The following RAP1GDS1 variants were observed in gnomAD, a reference collection of about 807,000 sequenced individuals.
The protein encoded by RAP1GDS1 is RAP1, GTP-GDP dissociation stimulator 1.
RAP1GDS1 carries 35 observed loss-of-function variants against 71.1 expected under a neutral mutation model. The ratio of observed to expected loss-of-function variants is 0.49; its 90% CI spans 0.38 to 0.65. The LOEUF (loss-of-function observed/expected upper bound fraction) is 0.65, where lower values mean the gene tolerates loss of function less well. Among genes scored for constraint, RAP1GDS1 ranks in the 30% least tolerant of loss-of-function variants. RAP1GDS1 has a pLI of 0.00. For missense variants in RAP1GDS1, 663 were observed against 706.1 expected (o/e 0.94, Z 0.69); for synonymous variants, 229 against 243.1 (o/e 0.94, Z 0.54).
intron 6 of RAP1GDS1, among the ~76,000 whole-genome samples, chr4:98,395,664 CA>C (rs1297998446): frequency 6.6e-6 from 1 of 152,148 alleles, no homozygotes; most frequent in African/African-American, 2.4e-5. Context: ...CTCTGTTAAC[CA>C]ACCCTTTTTA....
chr4:98,382,288 TAAATA>T (rs1464250423), intron 5 of RAP1GDS1, among the ~76,000 whole-genome samples: 3 of 151,648 alleles, frequency 2.0e-5, no homozygotes, highest in African/African-American at 7.2e-5. Context: ...CAATAATGCA[TAAATA>T]AAATAATATT....
At chr4:98,409,306 G>A (rs1000625052) in intron 7 of RAP1GDS1, 9 of 152,414 alleles carry the variant, frequency 5.9e-5, no homozygotes, top group Admixed American at 2.0e-4. Context: ...AACACAAAGG[G>A]AAAGAGAAGC....
chr4:98,402,579 A>G (rs755141901), intron 6 of RAP1GDS1, among the ~76,000 whole-genome samples: 1 of 152,180 alleles, frequency 6.6e-6, no homozygotes, highest in Non-Finnish European at 1.5e-5. Context: ...GTCATTTTGG[A>G]ATAGATCCGT....
intron 1 of RAP1GDS1, among the ~76,000 whole-genome samples, chr4:98,291,587 G>A (rs994315879): frequency 1.3e-5 from 2 of 152,108 alleles, no homozygotes; most frequent in Non-Finnish European, 2.9e-5. Context: ...CATATGAGTC[G>A]TCTGCTAGAA....
chr4:98,343,404 T>A, intron 3 of RAP1GDS1, 143 bp downstream of exon 3: 1 of 1,054,400 alleles, frequency 9.5e-7, no homozygotes, highest in Non-Finnish European at 1.4e-6. Context: ...ACTCTTCATG[T>A]AATTGTTTTA....
chr4:98,345,502 C>T (rs1041913679), intron 3 of RAP1GDS1, among the ~76,000 whole-genome samples: 3 of 151,986 alleles, frequency 2.0e-5, no homozygotes, highest in South Asian at 2.1e-4. Context: ...ATTTTTTAGA[C>T]CTTTTAAATG....
chr4:98,348,686 G>T (rs1450999418), intron 3 of RAP1GDS1, among the ~76,000 whole-genome samples: 1 of 152,166 alleles, frequency 6.6e-6, no homozygotes, highest in African/African-American at 2.4e-5. Context: ...GTATCTCATT[G>T]TGGTTTTGAT....
At chr4:98,391,179 A>C (rs1412312833) in intron 5 of RAP1GDS1, among the ~76,000 whole-genome samples, 1 of 152,024 alleles carries the variant, frequency 6.6e-6, no homozygotes, top group African/African-American at 2.4e-5. Flanking sequence ...ATTATTGTCC[A>C]TGAAGAACCC....
chr4:98,393,765 T>C (rs1435574702), intron 6 of RAP1GDS1, among the ~76,000 whole-genome samples: 1 of 152,204 alleles, frequency 6.6e-6, no homozygotes, highest in Non-Finnish European at 1.5e-5. Context: ...ACACAATCGA[T>C]TTCAAACACT....
At chr4:98,295,717 A>G (rs540280059) in intron 2 of RAP1GDS1, among the ~76,000 whole-genome samples, 145 of 152,204 alleles carry the variant, frequency 9.5e-4, no homozygotes, top group Non-Finnish European at 1.8e-3. Flanking sequence ...AATCATTCCA[A>G]GAAGCTAGGT....
At chr4:98,399,007 T>C (rs1037403900) in intron 6 of RAP1GDS1, among the ~76,000 whole-genome samples, 4 of 152,166 alleles carry the variant, frequency 2.6e-5, no homozygotes, top group Admixed American at 2.6e-4. Flanking sequence ...CAAAGCAATC[T>C]GCAGATTCAA....
chr4:98,343,101 A>G (rs1735730124), intron 2 of RAP1GDS1, 38 bp from the exon 3 acceptor site: 1 of 1,560,446 alleles, frequency 6.4e-7, no homozygotes, highest in Non-Finnish European at 8.7e-7. Flanking sequence ...TTAGCATTAA[A>G]GATTTTCACT....
At position 98,425,797 on chromosome 4, in the gene RAP1GDS1, A is replaced by T. The variant is rs146285362; in HGVS notation, c.1440+4403A>T. 1.6e-4 allele frequency among the ~76,000 whole-genome samples: 25 copies of T among 152,324 alleles called. 1 individual carries two copies. The highest frequency in any genetic ancestry group is 6.8e-3 in the Middle Eastern group (2 of 294). On this transcript the variant is annotated intron_variant, in intron 12 of 14. Coordinates refer to ENST00000408927, the MANE Select transcript of RAP1GDS1 (RefSeq NM_001100427.2). Reference sequence around the variant, plus strand: ...AGTGGGAGACTTCAATACTCCACTGACAGCATTAAAGAGGTTATCAAGACA... The same window carrying T: ...AGTGGGAGACTTCAATACTCCACTGTCAGCATTAAAGAGGTTATCAAGACA...
chr4:98,263,800 A>G (rs1274726885), intron 1 of RAP1GDS1, among the ~76,000 whole-genome samples: 1 of 152,186 alleles, frequency 6.6e-6, no homozygotes, highest in Non-Finnish European at 1.5e-5. Context: ...GGTACATATT[A>G]TCTAGTTGGG....
rs1309712814 is a variant in RAP1GDS1 at position 98,262,401 on chromosome 4, A to C, written c.4+832A>C. 2.0e-5 allele frequency among the ~76,000 whole-genome samples: 3 copies of C among 152,212 alleles called. No homozygotes were observed. In the South Asian group the frequency reaches 6.2e-4, roughly 31 times the overall value. On this transcript the variant is annotated intron_variant, in intron 1 of 14. Transcript: ENST00000408927. ...CTTTGTATTTATAGTTAATCTGAAG[A>C]GATTGGTTTGGATGAGAGATTTAAG...
intron 13 of RAP1GDS1, 30 bp from the exon 14 acceptor site, chr4:98,436,909 AC>A: frequency 3.2e-6 from 5 of 1,561,206 alleles, no homozygotes; most frequent in Non-Finnish European, 4.3e-6. Flanking sequence ...CTGGGTTCGT[AC>A]GCAGTAGATA....
chr4:98,406,070 T>C (rs1388061248), intron 7 of RAP1GDS1, among the ~76,000 whole-genome samples: 1 of 151,984 alleles, frequency 6.6e-6, no homozygotes, highest in Non-Finnish European at 1.5e-5. Context: ...AAATGATATA[T>C]AGCTGCAGAA....
rs145538056 is a variant in RAP1GDS1, at chr4:98,375,675, T to C, written c.362-3342T>C. Among the ~76,000 whole-genome samples, 540 of 152,268 alleles carry C rather than the reference T, an allele frequency of 3.5e-3. 3 individuals are homozygous for C. Among genetic ancestry groups the C allele is most frequent in the African/African-American group, 0.012 (506 of 41,550 alleles). On this transcript the variant is annotated intron_variant, in intron 4 of 14. Coordinates refer to ENST00000408927, the MANE Select transcript of RAP1GDS1 (RefSeq NM_001100427.2). Reference sequence around the variant, plus strand: ...ACATTTTAATATGAAATGTACAAAGTCCAACGTATGTGTGTGTGTCACTCT... The same window carrying C: ...ACATTTTAATATGAAATGTACAAAGCCCAACGTATGTGTGTGTGTCACTCT...
chr4:98,405,311 A>G (rs1024186618), intron 7 of RAP1GDS1, among the ~76,000 whole-genome samples: 1 of 152,176 alleles, frequency 6.6e-6, no homozygotes, highest in African/African-American at 2.4e-5. Context: ...ATTGAAAAAT[A>G]CAACCAAAAT....
Sources: allele counts gnomAD v4.1 joint callset (sites outside exome capture counted in the v4.1 genomes callset), GRCh38; gene constraint gnomAD v4.1.1; transcripts MANE v1.5; gene names NCBI Gene and HGNC (gene_info 2026-07-23, HGNC 2026-07-21).